Variants in DLGAP1 observed in about 807,000 individuals in gnomAD.
DLGAP1 encodes the protein disks large-associated protein 1.
In DLGAP1, 11 loss-of-function variants were observed where a neutral mutation model predicts 90.8. The observed-to-expected ratio is 0.12, with a 90% confidence interval of 0.08 to 0.20. The LOEUF (loss-of-function observed/expected upper bound fraction) is 0.20, where lower values mean the gene tolerates loss of function less well. DLGAP1 is among the 10% of genes least tolerant of loss of function. DLGAP1 has a pLI of 1.00. For synonymous variants in DLGAP1, 558 were observed against 540.7 expected (o/e 1.03, Z -0.44); for missense variants, 1,050 against 1,333.8 (o/e 0.79, Z 3.31).
At chr18:4,274,966 T>C (rs2145385510) in intron 1 of DLGAP1, among the ~76,000 whole-genome samples, 1 of 152,322 alleles carries the variant, frequency 6.6e-6, no homozygotes, top group Non-Finnish European at 1.5e-5. Context: ...ATTTTTGAAA[T>C]TTAAGAAATA....
chr18:4,312,937 G>A (rs888653427), intron 1 of DLGAP1, among the ~76,000 whole-genome samples: 10 of 152,188 alleles, frequency 6.6e-5, no homozygotes, highest in Admixed American at 3.3e-4. Flanking sequence ...GCAAACATGC[G>A]TGCCAGGACA....
chr18:4,000,937 G>T (rs1568343917), intron 3 of DLGAP1, among the ~76,000 whole-genome samples: 1 of 152,108 alleles, frequency 6.6e-6, no homozygotes, highest in East Asian at 1.9e-4. Context: ...CAAATGTTGG[G>T]CAAGTGTATT....
chr18:4,293,062 G>C (rs1490612658), intron 1 of DLGAP1: 1 of 152,216 alleles, frequency 6.6e-6, no homozygotes, highest in Non-Finnish European at 1.5e-5. Flanking sequence ...AGGAAACGGA[G>C]ATGAAATCAG....
intron 1 of DLGAP1, among the ~76,000 whole-genome samples, chr18:4,168,375 C>A (rs537551093): frequency 1.3e-5 from 2 of 152,122 alleles, no homozygotes; most frequent in Admixed American, 6.6e-5. Context: ...AAGCAATTAA[C>A]CATCTATAAG....
chr18:3,649,453 ACT>A (rs2059222917), intron 7 of DLGAP1, among the ~76,000 whole-genome samples: 1 of 152,106 alleles, frequency 6.6e-6, no homozygotes, highest in African/African-American at 2.4e-5. Context: ...CGAAAATGAA[ACT>A]CTCAGCAGTG....
intron 7 of DLGAP1, among the ~76,000 whole-genome samples, chr18:3,685,365 C>A (rs1225191670): frequency 1.3e-5 from 2 of 151,868 alleles, no homozygotes; most frequent in East Asian, 1.9e-4. Context: ...AGATCGAGAC[C>A]ATCCTGGCTA....
At chr18:3,550,427 T>G (rs1245279032) in intron 9 of DLGAP1, among the ~76,000 whole-genome samples, 1 of 151,998 alleles carries the variant, frequency 6.6e-6, no homozygotes, top group East Asian at 1.9e-4. Flanking sequence ...GGTCTGGCTA[T>G]TTTGCTTAGG....
chr18:4,056,623 A>C (rs542249801), intron 2 of DLGAP1, among the ~76,000 whole-genome samples: 1 of 152,198 alleles, frequency 6.6e-6, no homozygotes, highest in African/African-American at 2.4e-5. Flanking sequence ...CTGTTACTTC[A>C]TCACTGAAAC....
intron 3 of DLGAP1, among the ~76,000 whole-genome samples, chr18:3,918,814 T>C (rs1201844103): frequency 6.6e-6 from 1 of 152,002 alleles, no homozygotes; most frequent in Non-Finnish European, 1.5e-5. Context: ...AGGCAGAGAC[T>C]GGAAAGAAGG....
intron 2 of DLGAP1, among the ~76,000 whole-genome samples, chr18:4,131,416 T>C (rs532452121): frequency 3.3e-5 from 5 of 152,318 alleles, no homozygotes; most frequent in Non-Finnish European, 7.4e-5. Context: ...AAGCTTTTTC[T>C]CAAAGGGCCA....
rs374296786 is a variant in DLGAP1 at position 3,568,844 on chromosome 18, G to A, written c.1966-1263C>T. On this transcript the variant is annotated intron_variant, in intron 8 of 12. Transcript: ENST00000315677. The stretch of plus-strand genomic sequence containing the variant: ...TGGGACTACAGGTGCCCGCCACCAC[G>A]CCTGGCTAATTTTTTATATTTTTAG... 2.1e-4 allele frequency among the ~76,000 whole-genome samples: 32 copies of A among 151,918 alleles called. 1 individual carries two copies. In the East Asian group the frequency reaches 3.9e-3, roughly 18 times the overall value.
At chr18:3,885,785 G>T (rs926994354) in intron 3 of DLGAP1, among the ~76,000 whole-genome samples, 1 of 152,196 alleles carries the variant, frequency 6.6e-6, no homozygotes, top group Non-Finnish European at 1.5e-5. Context: ...TGTTGACTCT[G>T]TTTGCAGCCA....
chr18:3,692,089 C>T (rs2060917186), intron 7 of DLGAP1, among the ~76,000 whole-genome samples: 1 of 152,260 alleles, frequency 6.6e-6, no homozygotes, highest in South Asian at 2.1e-4. Context: ...CAAGAAAGAG[C>T]TATCCTTAGG....
At chr18:4,402,377 CTATT>C (rs764427523) in intron 1 of DLGAP1, among the ~76,000 whole-genome samples, 4 of 152,164 alleles carry the variant, frequency 2.6e-5, no homozygotes, top group Admixed American at 2.6e-4. Context: ...ACAGATATCT[CTATT>C]TATATTATTA....
rs368974199 is a variant in DLGAP1, at chr18:3,522,204, T to C, written c.2479+11990A>G. ...CAGGCTGGAGTGCAATAGTACCATG[T>C]CGGCTCACTGCAACCTCCGCCTCCC... On this transcript the variant is annotated intron_variant, in intron 10 of 12. Transcript: ENST00000315677. Among the ~76,000 whole-genome samples, 25 of 149,730 alleles carry C rather than the reference T, an allele frequency of 1.7e-4. 2 individuals carry two copies. In the South Asian group the frequency reaches 4.2e-3, roughly 25 times the overall value.
intron 3 of DLGAP1, among the ~76,000 whole-genome samples, chr18:3,969,632 T>C (rs1192388425): frequency 6.6e-6 from 1 of 152,198 alleles, no homozygotes; most frequent in African/African-American, 2.4e-5. Context: ...TTTCGGTCTA[T>C]TCTTAAAAAA....
intron 8 of DLGAP1, 52 bp from the exon 9 acceptor site, chr18:3,567,633 GA>G (rs747294543): frequency 4.0e-6 from 6 of 1,498,096 alleles, no homozygotes. Context: ...CATCTTGCTT[GA>G]AAAACAAACA....
At chr18:3,967,351 T>C (rs1247031939) in intron 3 of DLGAP1, among the ~76,000 whole-genome samples, 1 of 152,232 alleles carries the variant, frequency 6.6e-6, no homozygotes, top group Non-Finnish European at 1.5e-5. Flanking sequence ...CCTTTGCAGA[T>C]ATTTGTCCTG....
chr18:4,219,068 G>A (rs1022110947), intron 1 of DLGAP1, among the ~76,000 whole-genome samples: 7 of 73,926 alleles, frequency 9.5e-5, no homozygotes, highest in Non-Finnish European at 1.5e-4. Flanking sequence ...TCTCCAAATT[G>A]TTTTCCATAA....
Sources: gnomAD v4.1 joint callset for allele counts (sites outside exome capture counted in the v4.1 genomes callset) on GRCh38, gnomAD v4.1.1 for gene constraint, MANE v1.5 for transcripts, NCBI Gene and HGNC (gene_info 2026-07-23, HGNC 2026-07-21) for gene names.